Variants in WDPCP observed in about 807,000 individuals in gnomAD.
WDPCP encodes the protein WD repeat-containing and planar cell polarity effector protein fritz homolog.
A neutral mutation model predicts 93.1 loss-of-function variants in WDPCP; 71 were observed. The ratio of observed to expected loss-of-function variants is 0.76; its 90% CI spans 0.63 to 0.93. The LOEUF is 0.93. WDPCP is among the 40% of genes least tolerant of loss of function. The pLI is 0.00. For synonymous variants in WDPCP, 315 were observed against 315.0 expected (o/e 1.00, Z 0.00); for missense variants, 844 against 887.4 (o/e 0.95, Z 0.62).
chr2:63,148,018 C>A (rs1574727784), intron 17 of WDPCP, among the ~76,000 whole-genome samples: 1 of 147,006 alleles, frequency 6.8e-6, no homozygotes, highest in Non-Finnish European at 1.5e-5. Context: ...GATAATTAAA[C>A]CAGAGTTATA....
intron 13 of WDPCP, among the ~76,000 whole-genome samples, chr2:63,305,125 C>T (rs894128110): frequency 6.6e-6 from 1 of 152,162 alleles, no homozygotes; most frequent in African/African-American, 2.4e-5. Flanking sequence ...ACTCCCACCT[C>T]CCTGGGACAG....
At chr2:63,205,481 T>C (rs557425315) in intron 14 of WDPCP, among the ~76,000 whole-genome samples, 4 of 152,348 alleles carry the variant, frequency 2.6e-5, no homozygotes, top group African/African-American at 9.6e-5. Flanking sequence ...TTCTACTTTT[T>C]GGTGTTCTCT....
At chr2:63,531,067 C>T (rs186208510) in intron 1 of WDPCP, among the ~76,000 whole-genome samples, 137 of 152,374 alleles carry the variant, frequency 9.0e-4, no homozygotes, top group African/African-American at 3.1e-3. Flanking sequence ...CCAGGTCCCA[C>T]GCCCACGGCG....
chr2:63,207,523 A>G (rs1381216081), intron 14 of WDPCP, among the ~76,000 whole-genome samples: 1 of 152,166 alleles, frequency 6.6e-6, no homozygotes, highest in Non-Finnish European at 1.5e-5. Flanking sequence ...GTGAGAATGG[A>G]CCTAATGCAA....
At chr2:63,149,492 A>C (rs932745576) in intron 17 of WDPCP, among the ~76,000 whole-genome samples, 33 of 152,324 alleles carry the variant, frequency 2.2e-4, no homozygotes, top group African/African-American at 7.2e-4. Context: ...ATTGCCTGTG[A>C]CCAGAAATTT....
intron 12 of WDPCP, among the ~76,000 whole-genome samples, chr2:63,365,262 G>C (rs12988058): frequency 0.56 from 85,631 of 151,962 alleles, 24,493 homozygotes; most frequent in Admixed American, 0.64. Flanking sequence ...TCAGCACCAG[G>C]ATTCTAACCA....
At chr2:63,579,827 T>A (rs1182965390) in intron 1 of WDPCP, among the ~76,000 whole-genome samples, 2 of 152,038 alleles carry the variant, frequency 1.3e-5, no homozygotes, top group African/African-American at 4.8e-5. Flanking sequence ...CTACACCAAA[T>A]CTCATGTTGA....
chr2:63,376,762 G>C (rs1019720421), intron 12 of WDPCP, among the ~76,000 whole-genome samples: 1 of 151,842 alleles, frequency 6.6e-6, no homozygotes, highest in African/African-American at 2.4e-5. Context: ...AAGAGTCCTG[G>C]AATATGCTAA....
At chr2:63,133,496 A>T (rs1425316019) in intron 17 of WDPCP, among the ~76,000 whole-genome samples, 10 of 152,204 alleles carry the variant, frequency 6.6e-5, no homozygotes, top group Admixed American at 6.5e-4. Context: ...AATTGTAATA[A>T]TTCCCACGTG....
Position 63,129,569 on chromosome 2 carries a change from A to G in WDPCP, c.2191-7513T>C, listed in dbSNP as rs114149783. The stretch of plus-strand genomic sequence containing the variant: ...ATCTGCATTTTTCTAACAATTAGTG[A>G]TGTTGAACATCATTTCATGTACTTT... On this transcript the variant is annotated intron_variant, in intron 17 of 17. Transcript: ENST00000272321. 5.7e-3 allele frequency among the ~76,000 whole-genome samples: 868 copies of G among 152,306 alleles called. 11 individuals are homozygous for G. Among genetic ancestry groups the G allele is most frequent in the African/African-American group, 0.02 (821 of 41,566 alleles).
chr2:63,763,869 TG>T (rs1670098126), intron 2 of WDPCP, among the ~76,000 whole-genome samples: 1 of 152,012 alleles, frequency 6.6e-6, no homozygotes, highest in African/African-American at 2.4e-5. Flanking sequence ...GTGGTGGTGT[TG>T]GGGGGAGGGT....
chr2:63,780,174 T>C (rs1274707459), intron 2 of WDPCP, among the ~76,000 whole-genome samples: 1 of 152,220 alleles, frequency 6.6e-6, no homozygotes, highest in African/African-American at 2.4e-5. Flanking sequence ...TTTTCAGCTA[T>C]GCACAGCTGT....
intron 3 of WDPCP, among the ~76,000 whole-genome samples, chr2:63,649,699 G>A (rs1344786502): frequency 6.6e-6 from 1 of 152,086 alleles, no homozygotes; most frequent in Non-Finnish European, 1.5e-5. Flanking sequence ...CCCCTGCTCA[G>A]CCAGCCTATT....
rs1327667825 is a variant in WDPCP, at chr2:63,498,428, T to A, written c.76-5488A>T. Among the ~76,000 whole-genome samples, 2 of 152,318 alleles carry A rather than the reference T, an allele frequency of 1.3e-5. 1 individual carries two copies. The highest frequency in any genetic ancestry group is 4.1e-4 in the South Asian group (2 of 4,828). On this transcript the variant is annotated intron_variant, in intron 1 of 17. Coordinates refer to ENST00000272321, the MANE Select transcript of WDPCP (RefSeq NM_015910.7). ...TTCTAGAAAGCCCCTTTTCACTTTA[T>A]ACTTACATCCTTAAAAAATTTCAAT...
At chr2:63,733,823 C>G (rs1025895083) in intron 2 of WDPCP, among the ~76,000 whole-genome samples, 1 of 152,116 alleles carries the variant, frequency 6.6e-6, no homozygotes, top group Non-Finnish European at 1.5e-5. Context: ...AGTATATTCA[C>G]AAAATTGTGC....
At chr2:63,140,298 C>G (rs557733972) in intron 17 of WDPCP, among the ~76,000 whole-genome samples, 1 of 151,994 alleles carries the variant, frequency 6.6e-6, no homozygotes, top group Non-Finnish European at 1.5e-5. Flanking sequence ...TGTGTGGGCT[C>G]TTTCTTGGTT....
intron 9 of WDPCP, among the ~76,000 whole-genome samples, chr2:63,412,016 C>G (rs1429215662): frequency 1.3e-5 from 2 of 152,128 alleles, no homozygotes; most frequent in Non-Finnish European, 2.9e-5. Flanking sequence ...ACAACCTTCC[C>G]TACTTCATTC....
chr2:63,588,533 TC>T (rs1709043190), upstream of WDPCP: 1 of 593,950 alleles, frequency 1.7e-6, no homozygotes, highest in Non-Finnish European at 3.0e-6. Flanking sequence ...TGTTTCCGGG[TC>T]GATCCAGCTT....
At chr2:63,774,220 A>G (rs1272979661) in intron 2 of WDPCP, among the ~76,000 whole-genome samples, 1 of 152,160 alleles carries the variant, frequency 6.6e-6, no homozygotes, top group Non-Finnish European at 1.5e-5. Flanking sequence ...AAATCTAATA[A>G]CAAAAGTTTA....
Sources: gnomAD v4.1 joint callset for allele counts (sites outside exome capture counted in the v4.1 genomes callset) on GRCh38, gnomAD v4.1.1 for gene constraint, MANE v1.5 for transcripts, NCBI Gene and HGNC (gene_info 2026-07-23, HGNC 2026-07-21) for gene names.